ROBO2: variants seen among roughly 807,000 people sequenced by gnomAD.
The protein encoded by ROBO2 is roundabout guidance receptor 2.
In ROBO2, 53 loss-of-function variants were observed where a neutral mutation model predicts 160.8. The ratio of observed to expected loss-of-function variants is 0.33; its 90% CI spans 0.26 to 0.41. ROBO2 has a LOEUF of 0.41. ROBO2 is among the 10% of genes least tolerant of loss of function. ROBO2 has a pLI of 1.00. For synonymous variants in ROBO2, 664 were observed against 611.7 expected, an observed-to-expected ratio of 1.09 and a Z score of -1.26; for missense variants, 1,577 against 1,722.4, an observed-to-expected ratio of 0.92 and a Z score of 1.49.
chr3:76,363,853 C>A (rs1177797683), intron 2 of ROBO2, among the ~76,000 whole-genome samples: 3 of 151,708 alleles, frequency 2.0e-5, no homozygotes, highest in Non-Finnish European at 2.9e-5. Flanking sequence ...ATCCAACACT[C>A]TCTTTAAATT....
intron 2 of ROBO2, among the ~76,000 whole-genome samples, chr3:77,372,366 T>C (rs2153477778): frequency 6.6e-6 from 1 of 152,262 alleles, no homozygotes; most frequent in African/African-American, 2.4e-5. Flanking sequence ...TTTCTTTCCA[T>C]TTCTGACTTT....
intron 2 of ROBO2, among the ~76,000 whole-genome samples, chr3:76,798,719 T>A (rs370412296): frequency 1.3e-5 from 2 of 152,156 alleles, no homozygotes; most frequent in East Asian, 3.9e-4. Flanking sequence ...AGGCAAACCC[T>A]GCCTCTATTT....
chr3:76,674,598 T>TCACACACACACACACACACACACACACA (rs71104613), intron 2 of ROBO2, among the ~76,000 whole-genome samples: 1 of 148,068 alleles, frequency 6.8e-6, no homozygotes, highest in Non-Finnish European at 1.5e-5. Flanking sequence ...ACCTCCTAGT[T>TCACACACACACACACACACACACACACA]CACACACACA....
intron 1 of ROBO2, among the ~76,000 whole-genome samples, chr3:75,930,710 G>A (rs535961248): frequency 6.6e-6 from 1 of 152,288 alleles, no homozygotes; most frequent in Admixed American, 6.5e-5. Flanking sequence ...GGCACTGCCA[G>A]CCATGCTAGA....
intron 2 of ROBO2, among the ~76,000 whole-genome samples, chr3:76,460,047 CAA>C (rs1197782566): frequency 1.3e-5 from 2 of 151,726 alleles, no homozygotes; most frequent in East Asian, 3.9e-4. Flanking sequence ...TTTCTTAACA[CAA>C]AGGAAAATGT....
At chr3:76,420,496 A>G (rs2075949523) in intron 2 of ROBO2, among the ~76,000 whole-genome samples, 1 of 152,240 alleles carries the variant, frequency 6.6e-6, no homozygotes, top group Non-Finnish European at 1.5e-5. Context: ...CTAAGATATA[A>G]GCAACGTTTT....
intron 2 of ROBO2, among the ~76,000 whole-genome samples, chr3:76,995,977 T>C (rs2149394244): frequency 6.6e-6 from 1 of 152,332 alleles, no homozygotes; most frequent in East Asian, 1.9e-4. Context: ...CTGTCAATTT[T>C]GGCTTTTGTT....
intron 1 of ROBO2, among the ~76,000 whole-genome samples, chr3:75,926,833 A>T (rs1947312330): frequency 6.6e-6 from 1 of 152,216 alleles, no homozygotes; most frequent in Non-Finnish European, 1.5e-5. Flanking sequence ...AATATAGTAG[A>T]TTTTTAAGTG....
intron 2 of ROBO2, among the ~76,000 whole-genome samples, chr3:76,164,535 G>A (rs1487321944): frequency 5.3e-5 from 8 of 152,124 alleles, no homozygotes; most frequent in African/African-American, 1.9e-4. Flanking sequence ...TGTGTTAGCA[G>A]GTGTGAAAAC....
chr3:76,478,963 T>G (rs1195307271), intron 2 of ROBO2, among the ~76,000 whole-genome samples: 1 of 152,074 alleles, frequency 6.6e-6, no homozygotes, highest in African/African-American at 2.4e-5. Flanking sequence ...ACATCCAGCC[T>G]AACTTCACAC....
intron 2 of ROBO2, among the ~76,000 whole-genome samples, chr3:76,218,625 C>T (rs1304866532): frequency 1.3e-5 from 2 of 152,126 alleles, no homozygotes; most frequent in Non-Finnish European, 2.9e-5. Flanking sequence ...GGGACCTCTT[C>T]AAGGAGAACT....
chr3:76,555,397 A>AAG (rs1491164193), intron 2 of ROBO2, among the ~76,000 whole-genome samples: 1 of 72,450 alleles, frequency 1.4e-5, no homozygotes, highest in Non-Finnish European at 4.1e-5. Flanking sequence ...GAAGAAGAAG[A>AAG]AGAAGAAGAA....
chr3:77,180,923 T>G (rs962241832), intron 2 of ROBO2, among the ~76,000 whole-genome samples: 13 of 151,926 alleles, frequency 8.6e-5, no homozygotes, highest in African/African-American at 3.1e-4. Flanking sequence ...TCAAGCAAAA[T>G]GATTTTTGAA....
chr3:75,975,890 G>A (rs933339371), intron 2 of ROBO2, among the ~76,000 whole-genome samples: 45 of 151,624 alleles, frequency 3.0e-4, no homozygotes, highest in African/African-American at 1.1e-3. Context: ...CAGGACTGGG[G>A]GGCTTTTTAT....
intron 2 of ROBO2, among the ~76,000 whole-genome samples, chr3:76,236,137 TAAGTC>T (rs1704930060): frequency 6.6e-6 from 1 of 151,576 alleles, no homozygotes; most frequent in South Asian, 2.1e-4. Flanking sequence ...ATAATAAAGT[TAAGTC>T]AATTATTTAA....
At chr3:76,136,999 G>GA (rs1475063592) in intron 2 of ROBO2, among the ~76,000 whole-genome samples, 1 of 151,806 alleles carries the variant, frequency 6.6e-6, no homozygotes, top group Admixed American at 6.6e-5. Flanking sequence ...CAATTAAAGG[G>GA]AAAATGCAGA....
chr3:77,442,177 T>G (rs2079999815), intron 2 of ROBO2, among the ~76,000 whole-genome samples: 1 of 152,050 alleles, frequency 6.6e-6, no homozygotes, highest in South Asian at 2.1e-4. Context: ...CTGGGCGTCA[T>G]GGCGGGCGCC....
In ROBO2 at chr3:76,420,934, A is replaced by C. The variant is rs574963442; in HGVS notation, c.109+483332A>C. 2.0e-5 allele frequency among the ~76,000 whole-genome samples: 3 copies of C among 152,342 alleles called. No individual in the cohort carries two copies. The East Asian group carries it at 5.8e-4, about 29-fold the overall frequency. ...GATGAGCAAAGGGTTTTCCACATGT[A>C]TAAGAAGAAGTGAACTGACAAGAAA... On this transcript the variant is annotated intron_variant, in intron 2 of 26. Transcript: ENST00000487694.
chr3:77,601,358 T>A (rs2094426490), intron 19 of ROBO2, among the ~76,000 whole-genome samples: 1 of 152,178 alleles, frequency 6.6e-6, no homozygotes, highest in Admixed American at 6.5e-5. Context: ...TATTTTAGAT[T>A]CACTTAGTAT....
Sources: allele counts gnomAD v4.1 joint callset (sites outside exome capture counted in the v4.1 genomes callset), GRCh38; gene constraint gnomAD v4.1.1; transcripts MANE v1.5; gene names NCBI Gene and HGNC (gene_info 2026-07-23, HGNC 2026-07-21).